LCA5: variants seen among roughly 807,000 people sequenced by gnomAD.
The protein encoded by LCA5 is lebercilin LCA5.
A neutral mutation model predicts 53.0 loss-of-function variants in LCA5; 37 were observed. The ratio of observed to expected loss-of-function variants is 0.70; its 90% CI spans 0.54 to 0.92. The LOEUF (loss-of-function observed/expected upper bound fraction) is 0.92. LCA5 is among the 40% of genes least tolerant of loss of function. The pLI is 0.00. For synonymous variants in LCA5, 303 were observed against 282.9 expected (o/e 1.07, Z -0.71); for missense variants, 806 against 790.5 (o/e 1.02, Z -0.23).
intron 1 of LCA5, among the ~76,000 whole-genome samples, chr6:79,533,045 A>G (rs1767003093): frequency 6.6e-6 from 1 of 152,176 alleles, no homozygotes; most frequent in South Asian, 2.1e-4. Flanking sequence ...TTAGCAAATC[A>G]AAAAGTTTTC....
At chr6:79,517,220 G>A (rs1052733127) in intron 2 of LCA5, among the ~76,000 whole-genome samples, 2 of 151,942 alleles carry the variant, frequency 1.3e-5, no homozygotes, top group Admixed American at 6.6e-5. Flanking sequence ...AACAGAAAAC[G>A]GTACAAGTCA....
intron 7 of LCA5, 43 bp from the exon 8 acceptor site, chr6:79,487,909 AATATTTTTAAAT>A: frequency 7.1e-7 from 1 of 1,410,588 alleles, no homozygotes; most frequent in Non-Finnish European, 9.8e-7. Flanking sequence ...TGTAACAGTC[AATATTTTTAAAT>A]AGGAAAACTA....
chr6:79,526,024 G>T (rs558312485), intron 1 of LCA5, among the ~76,000 whole-genome samples: 6 of 152,306 alleles, frequency 3.9e-5, no homozygotes, highest in East Asian at 3.9e-4. Flanking sequence ...TGTGGAAGTC[G>T]TGTAACTTGT....
Position 79,513,269 on chromosome 6 carries a change from C to T in LCA5, c.663G>A (p.Leu221=). The T allele has an allele frequency of 6.2e-7, 1 of 1,613,572 alleles. No homozygotes were observed. The highest frequency in any genetic ancestry group is 8.5e-7 in the Non-Finnish European group (1 of 1,179,766). ...EARHLPERDD[L]AKKLVSAELK... ...ACTCTGCTGAAACTAGTTTCTTTGCCAAATCATCTCGTTCAGGTAGGTGTC... is the reference window on the plus strand; with the variant it reads ...ACTCTGCTGAAACTAGTTTCTTTGCTAAATCATCTCGTTCAGGTAGGTGTC... Residue 221 remains leucine (L), a synonymous_variant, in exon 3 of 8, where the codon TTG becomes TTA. Coordinates refer to ENST00000369846, the MANE Select transcript of LCA5 (RefSeq NM_001122769.3).
chr6:79,515,767 G>A (rs996903326), intron 2 of LCA5, among the ~76,000 whole-genome samples: 3 of 151,962 alleles, frequency 2.0e-5, no homozygotes, highest in African/African-American at 7.2e-5. Context: ...ACATTACAAA[G>A]TTTCATTAAA....
chr6:79,535,952 T>C (rs769248369), intron 1 of LCA5, among the ~76,000 whole-genome samples: 5 of 152,224 alleles, frequency 3.3e-5, no homozygotes, highest in Non-Finnish European at 5.9e-5. Flanking sequence ...CTTTATTTAA[T>C]GGGCTTCCAT....
chr6:79,535,645 C>T (rs568046094), intron 1 of LCA5, among the ~76,000 whole-genome samples: 1 of 151,980 alleles, frequency 6.6e-6, no homozygotes, highest in East Asian at 1.9e-4. Context: ...GTTTGGGATG[C>T]CTATGGATAG....
Position 79,487,767 on chromosome 6 carries a change from C to A in LCA5, c.1331G>T (p.Gly444Val), listed in dbSNP as rs761629465. ...PEWETGRYQL[G>V]MYPIQNMDKL... ...ATCCATATTCTGAATTGGATACATT[C>A]CTAGTTGGTACCTTCCAGTTTCCCA... Residue 444 changes from glycine to valine, a missense_variant, in exon 8 of 8, where the codon GGA (glycine) becomes GTA (valine). By Grantham distance (109) the Gly-to-Val change is moderately radical. Coordinates refer to ENST00000369846, the MANE Select transcript of LCA5 (RefSeq NM_001122769.3). 1 of 1,613,626 alleles carries A rather than the reference C, an allele frequency of 6.2e-7. No homozygotes were observed. Among genetic ancestry groups the A allele is most frequent in the Non-Finnish European group, 8.5e-7 (1 of 1,179,664 alleles).
intron 6 of LCA5, among the ~76,000 whole-genome samples, chr6:79,491,193 G>T (rs1002127032): frequency 6.6e-6 from 1 of 151,968 alleles, no homozygotes; most frequent in South Asian, 2.1e-4. Context: ...CTTCTCTTCT[G>T]CCCCCAACCC....
intron 3 of LCA5, among the ~76,000 whole-genome samples, chr6:79,510,893 T>C (rs1383878373): frequency 2.0e-5 from 3 of 152,068 alleles, no homozygotes; most frequent in Admixed American, 2.0e-4. Flanking sequence ...TCAAGATGGC[T>C]AAAACTTTAA....
intron 2 of LCA5, among the ~76,000 whole-genome samples, chr6:79,516,517 G>A (rs1162078163): frequency 6.6e-6 from 1 of 151,820 alleles, no homozygotes; most frequent in Non-Finnish European, 1.5e-5. Flanking sequence ...ATAAAAAAGG[G>A]TTTCCATAAC....
intron 1 of LCA5, among the ~76,000 whole-genome samples, chr6:79,533,583 TA>T (rs532485252): frequency 4.0e-3 from 506 of 127,028 alleles, no homozygotes; most frequent in East Asian, 0.016. Flanking sequence ...AACTCTCCTT[TA>T]AAAAAAAAAA....
At position 79,513,797 on chromosome 6, in the gene LCA5, T is replaced by C. The variant is rs533447336; in HGVS notation, c.191-56A>G. The C allele has an allele frequency of 8.8e-5, 134 of 1,529,842 alleles. 4 individuals are homozygous for C. In the Admixed American group the frequency reaches 9.9e-4, roughly 11 times the overall value. 94.8% of individuals were successfully genotyped at this position (1,529,842 alleles called of 1,614,324 possible). ...AAAGCTGTACCAAACACAGTGTTAT[T>C]TGTTCATCCTAACACAAGTGGGTCC... On this transcript the variant is annotated intron_variant, in intron 2 of 7. Coordinates refer to ENST00000369846, the MANE Select transcript of LCA5 (RefSeq NM_001122769.3).
chr6:79,486,854 T>A lies in LCA5; in HGVS notation c.*150A>T. On this transcript the variant is annotated 3_prime_UTR_variant, in exon 8 of 8. Coordinates refer to ENST00000369846, the MANE Select transcript of LCA5 (RefSeq NM_001122769.3). ...AACTATCTATGTGGTGTATGTATGA[T>A]CTACTTCTTTTTAACTGCATTGTAT... 1 of 660,554 alleles carries A rather than the reference T, an allele frequency of 1.5e-6. No individual in the cohort carries two copies. Among genetic ancestry groups the A allele is most frequent in the African/African-American group, 1.8e-5 (1 of 55,202 alleles). The allele number at this position is 660,554 out of a possible 1,614,324, so 40.9% of individuals were successfully genotyped here. A position where few individuals can be genotyped will look rare whatever the true frequency, so the allele number is the denominator to read the frequency against.
At chr6:79,498,384 T>TC (rs1028423989) in intron 3 of LCA5, among the ~76,000 whole-genome samples, 2 of 150,930 alleles carry the variant, frequency 1.3e-5, no homozygotes, top group African/African-American at 2.4e-5. Context: ...AAAAATCCTA[T>TC]CCCCCCCTAG....
intron 3 of LCA5, among the ~76,000 whole-genome samples, chr6:79,512,632 A>G (rs1562105799): frequency 6.6e-6 from 1 of 152,008 alleles, no homozygotes; most frequent in Non-Finnish European, 1.5e-5. Context: ...ATATATATAT[A>G]GAAGGTGGCA....
intron 4 of LCA5, 109 bp downstream of exon 4, chr6:79,493,504 A>T: frequency 1.9e-6 from 2 of 1,043,822 alleles, no homozygotes; most frequent in South Asian, 2.9e-5. Context: ...GAATTTTGTA[A>T]ATTATATTGT....
intron 1 of LCA5, among the ~76,000 whole-genome samples, chr6:79,532,799 T>C (rs910466710): frequency 1.3e-4 from 20 of 152,252 alleles, no homozygotes; most frequent in African/African-American, 4.6e-4. Flanking sequence ...TTACTTATCC[T>C]AGTAAATATA....
chr6:79,518,394 C>CT (rs1287548336), intron 2 of LCA5, among the ~76,000 whole-genome samples: 6 of 152,134 alleles, frequency 3.9e-5, no homozygotes, highest in Admixed American at 2.0e-4. Flanking sequence ...GATTTATAAA[C>CT]TTTTTTGCCT....
Sources: gnomAD v4.1 joint callset for allele counts (sites outside exome capture counted in the v4.1 genomes callset) on GRCh38, gnomAD v4.1.1 for gene constraint, MANE v1.5 for transcripts, NCBI Gene and HGNC (gene_info 2026-07-23, HGNC 2026-07-21) for gene names.